Variants in ARHGEF10L observed in about 807,000 individuals in gnomAD.
ARHGEF10L encodes Rho guanine nucleotide exchange factor 10 like, also known as rho guanine nucleotide exchange factor 10-like protein.
Under a neutral mutation model 141.2 loss-of-function variants are expected in ARHGEF10L, and 69 were observed. The observed-to-expected ratio is 0.49, with a 90% confidence interval of 0.40 to 0.60. The LOEUF (loss-of-function observed/expected upper bound fraction) is 0.60, where lower values mean the gene tolerates loss of function less well. Ranked by LOEUF, ARHGEF10L falls within the 20% of genes least tolerant of loss-of-function variation. The pLI, the probability that ARHGEF10L is intolerant of heterozygous loss-of-function variation, is 0.00. For synonymous variants in ARHGEF10L, 711 were observed against 718.5 expected, an observed-to-expected ratio of 0.99 and a Z score of 0.17; for missense variants, 1,482 against 1,734.3, an observed-to-expected ratio of 0.85 and a Z score of 2.58.
intron 1 of ARHGEF10L, among the ~76,000 whole-genome samples, chr1:17,553,789 T>TA (rs2077201319): frequency 6.6e-6 from 1 of 152,082 alleles, no homozygotes; most frequent in Admixed American, 6.6e-5. Context: ...ACCCTGTCTC[T>TA]AAAAAATAAA....
At chr1:17,569,679 G>C (rs1052680790) in intron 1 of ARHGEF10L, among the ~76,000 whole-genome samples, 1 of 152,152 alleles carries the variant, frequency 6.6e-6, no homozygotes, top group Non-Finnish European at 1.5e-5. Context: ...CTGGGACACC[G>C]GTGCCCAGCC....
chr1:17,546,010 T>C (rs2076901100), intron 1 of ARHGEF10L, among the ~76,000 whole-genome samples: 1 of 152,218 alleles, frequency 6.6e-6, no homozygotes, highest in South Asian at 2.1e-4. Flanking sequence ...ATCAAAAGTC[T>C]GCAGGGCTTG....
At chr1:17,661,056 C>T (rs1194472242) in intron 25 of ARHGEF10L, among the ~76,000 whole-genome samples, 1 of 152,122 alleles carries the variant, frequency 6.6e-6, no homozygotes, top group Admixed American at 6.5e-5. Flanking sequence ...CCACCATGGG[C>T]CCTCTACTCA....
At position 17,627,470 on chromosome 1, in the gene ARHGEF10L, C is replaced by G. The variant is rs1166933089; in HGVS notation, c.1551C>G (p.Thr517=). 6.2e-7 allele frequency: 1 copy of G among 1,612,762 alleles called. No individual in the cohort carries two copies. Among genetic ancestry groups the G allele is most frequent in the Non-Finnish European group, 8.5e-7 (1 of 1,180,008 alleles). Residue 517 remains threonine, a synonymous_variant, in exon 15 of 29, where the codon ACC becomes ACG. Coordinates refer to ENST00000361221, the MANE Select transcript of ARHGEF10L (RefSeq NM_018125.4). This position sits in a 1 kb window ranked among gnomAD's most constrained non-coding sequence, Gnocchi z 4.0. ...ADQVAEIQQL[T]KSVSDRSSLN... ...AGGTGGCTGAGATCCAGCAGCTGAC[C>G]AAGAGCGTCAGTGACCGCAGCAGCC...
At chr1:17,679,643 A>G (rs2063961804) in intron 26 of ARHGEF10L, among the ~76,000 whole-genome samples, 1 of 152,168 alleles carries the variant, frequency 6.6e-6, no homozygotes, top group South Asian at 2.1e-4. Context: ...AAAGACAGGG[A>G]AGGGAGTTGT....
At chr1:17,576,130 A>G (rs1383593369) in intron 1 of ARHGEF10L, among the ~76,000 whole-genome samples, 1 of 151,566 alleles carries the variant, frequency 6.6e-6, no homozygotes, top group Admixed American at 6.6e-5. Context: ...TCCAGGCCTC[A>G]TTCAGGTGGA....
At chr1:17,696,491 G>A (rs573930954) in intron 28 of ARHGEF10L, among the ~76,000 whole-genome samples, 117 of 152,266 alleles carry the variant, frequency 7.7e-4, no homozygotes, top group African/African-American at 2.4e-3. Context: ...ATGAATTCAG[G>A]AGGGATTCAC....
intron 1 of ARHGEF10L, among the ~76,000 whole-genome samples, chr1:17,565,233 T>C (rs2077702330): frequency 6.6e-6 from 1 of 152,122 alleles, no homozygotes; most frequent in South Asian, 2.1e-4. Context: ...CATGACCTGA[T>C]TACCTCCCCA....
At chr1:17,647,792 C>T (rs1275644986) in intron 21 of ARHGEF10L, among the ~76,000 whole-genome samples, 4 of 151,886 alleles carry the variant, frequency 2.6e-5, no homozygotes, top group Non-Finnish European at 5.9e-5. Flanking sequence ...GAGGACTTCT[C>T]GGAGGAGGGG....
At position 17,639,836 on chromosome 1, in the gene ARHGEF10L, A is replaced by C; in HGVS notation, c.2172-366A>C. 2.2e-6 allele frequency: 3 copies of C among 1,342,318 alleles called. No individual in the cohort carries two copies. The highest frequency in any genetic ancestry group is 2.9e-6 in the Non-Finnish European group (3 of 1,023,450). 83.2% of individuals were successfully genotyped at this position (1,342,318 alleles called of 1,614,324 possible). A position where few individuals can be genotyped will look rare whatever the true frequency, so the allele number is the denominator to read the frequency against. On this transcript the variant is annotated intron_variant, in intron 20 of 28. Transcript: ENST00000361221. This position sits in a 1 kb window ranked among gnomAD's most constrained non-coding sequence, Gnocchi z 4.3. ...GAGACCCATTCCTCCCTCTAGAGGC[A>C]CGTGGTCAGACATGTAAGGTGTCTA...
At chr1:17,606,450 C>T (rs2081180554) in intron 6 of ARHGEF10L, among the ~76,000 whole-genome samples, 1 of 151,922 alleles carries the variant, frequency 6.6e-6, no homozygotes, top group African/African-American at 2.4e-5. Flanking sequence ...CGTGCCACCA[C>T]ACCCGGCTAG....
intron 1 of ARHGEF10L, among the ~76,000 whole-genome samples, chr1:17,574,140 C>G (rs180841488): frequency 1.9e-4 from 29 of 152,214 alleles, no homozygotes; most frequent in African/African-American, 6.7e-4. Flanking sequence ...CTCCCCTACT[C>G]CCCCTTCCAC....
At chr1:17,539,427 G>A (rs1050716292), upstream of ARHGEF10L, among the ~76,000 whole-genome samples, 9 of 152,188 alleles carry the variant, frequency 5.9e-5, no homozygotes, top group Non-Finnish European at 1.3e-4. The surrounding 1 kb of genome is among the most constrained non-coding windows in gnomAD (Gnocchi z 6.0). Flanking sequence ...GGCGGGAAGT[G>A]GGGACCCCGG....
At chr1:17,597,721 A>C (rs1196012258) in intron 4 of ARHGEF10L, among the ~76,000 whole-genome samples, 1 of 152,126 alleles carries the variant, frequency 6.6e-6, no homozygotes, top group Non-Finnish European at 1.5e-5. Flanking sequence ...GTGGGCAGGA[A>C]GTGACCTCTC....
chr1:17,597,991 C>T lies in ARHGEF10L; in HGVS notation c.258-4136C>T, dbSNP rs142876411. Among the ~76,000 whole-genome samples, 583 of 152,286 alleles carry T rather than the reference C, an allele frequency of 3.8e-3. 5 individuals are homozygous for T. The highest frequency in any genetic ancestry group is 6.2e-3 in the Non-Finnish European group (421 of 68,036). On this transcript the variant is annotated intron_variant, in intron 4 of 28. Transcript: ENST00000361221. ...TTAAACTGCATTCTTTCGGTTAAAG[C>T]GTGCTGCAGCCTTTGAGCTGGGTGT...
At chr1:17,551,554 C>T (rs904054007) in intron 1 of ARHGEF10L, among the ~76,000 whole-genome samples, 3 of 152,082 alleles carry the variant, frequency 2.0e-5, no homozygotes, top group Non-Finnish European at 4.4e-5. Context: ...GCCCTGCGAG[C>T]CAGTCAACTG....
At position 17,603,634 on chromosome 1, in the gene ARHGEF10L, G is replaced by A; in HGVS notation, c.433+43G>A. 1 of 1,536,270 alleles carries A rather than the reference G, an allele frequency of 6.5e-7. No individual in the cohort carries two copies. Among genetic ancestry groups the A allele is most frequent in the Non-Finnish European group, 8.8e-7 (1 of 1,131,408 alleles). ...CTTCCCTGTTTCTCTTGGGGACAGG[G>A]GAGGGAGGCTGGGACTGGGGAGGGT... On this transcript the variant is annotated intron_variant, in intron 6 of 28. Transcript: ENST00000361221. This position sits in a 1 kb window ranked among gnomAD's most constrained non-coding sequence, Gnocchi z 4.8.
At chr1:17,561,346 C>T (rs777999439) in intron 1 of ARHGEF10L, among the ~76,000 whole-genome samples, 34 of 152,254 alleles carry the variant, frequency 2.2e-4, no homozygotes, top group Non-Finnish European at 4.3e-4. Flanking sequence ...GGGGCAGAAG[C>T]GGGCGTCAGC....
At chr1:17,661,365 A>G (rs111635463) in intron 25 of ARHGEF10L, among the ~76,000 whole-genome samples, 3 of 152,240 alleles carry the variant, frequency 2.0e-5, no homozygotes, top group Admixed American at 6.5e-5. Flanking sequence ...GGCGTGAGCC[A>G]CCGTACCCGG....
Sources: gnomAD v4.1 joint callset for allele counts (sites outside exome capture counted in the v4.1 genomes callset) on GRCh38, gnomAD v4.1.1 for gene constraint, Gnocchi (gnomAD v3.1) non-coding constraint, MANE v1.5 for transcripts, NCBI Gene and HGNC (gene_info 2026-07-23, HGNC 2026-07-21) for gene names.